RGS7: variants seen among roughly 807,000 people sequenced by gnomAD.
RGS7 encodes the protein regulator of G-protein signaling 7.
In RGS7, 27 loss-of-function variants were observed where a neutral mutation model predicts 81.1. The observed-to-expected ratio is 0.33, with a 90% CI of 0.25 to 0.46. The LOEUF (loss-of-function observed/expected upper bound fraction) is 0.46, where lower values mean the gene tolerates loss of function less well. Ranked by LOEUF, RGS7 falls within the 20% of genes least tolerant of loss-of-function variation. RGS7 has a pLI of 1.00. For synonymous variants in RGS7, 208 were observed against 207.7 expected (o/e 1.00, Z -0.01); for missense variants, 396 against 607.4 (o/e 0.65, Z 3.66).
chr1:240,930,610 G>T, intron 6 of RGS7, 107 bp downstream of exon 6: 1 of 1,071,624 alleles, frequency 9.3e-7, no homozygotes, highest in Non-Finnish European at 1.4e-6. Context: ...GTCCCATCCT[G>T]AGAACTGTGG....
intron 3 of RGS7, among the ~76,000 whole-genome samples, chr1:240,987,225 TA>T (rs1332165440): frequency 2.0e-5 from 3 of 152,192 alleles, no homozygotes; most frequent in Admixed American, 2.0e-4. Flanking sequence ...GCAAGCAAAA[TA>T]GAACACATTT....
chr1:240,802,484 G>A (rs922192592), intron 16 of RGS7, among the ~76,000 whole-genome samples: 4 of 152,150 alleles, frequency 2.6e-5, no homozygotes, highest in Non-Finnish European at 4.4e-5. Flanking sequence ...ATTGAAAAAG[G>A]TGAGTCTACT....
intron 2 of RGS7, among the ~76,000 whole-genome samples, chr1:241,342,025 C>A (rs1459193397): frequency 6.6e-6 from 1 of 151,884 alleles, no homozygotes; most frequent in Non-Finnish European, 1.5e-5. Context: ...CAGGCCCGTA[C>A]CACCACACCT....
At chr1:241,317,591 C>T (rs1342422728) in intron 2 of RGS7, among the ~76,000 whole-genome samples, 1 of 152,166 alleles carries the variant, frequency 6.6e-6, no homozygotes, top group Non-Finnish European at 1.5e-5. Flanking sequence ...ACTGAGAACC[C>T]ATGGCAATCA....
chr1:241,056,814 C>T (rs1286032419), intron 3 of RGS7, among the ~76,000 whole-genome samples: 1 of 152,156 alleles, frequency 6.6e-6, no homozygotes, highest in East Asian at 1.9e-4. Flanking sequence ...ATTTAATAGG[C>T]AGTGGTTTCT....
At chr1:241,342,170 G>C (rs2082602950) in intron 2 of RGS7, among the ~76,000 whole-genome samples, 1 of 151,950 alleles carries the variant, frequency 6.6e-6, no homozygotes, top group African/African-American at 2.4e-5. Context: ...CACCACACCT[G>C]GTCTCTGGTA....
At chr1:240,928,349 C>G (rs1674822912) in intron 6 of RGS7, among the ~76,000 whole-genome samples, 1 of 152,126 alleles carries the variant, frequency 6.6e-6, no homozygotes, top group South Asian at 2.1e-4. Context: ...GGACACTTCG[C>G]ATATATGACC....
intron 18 of RGS7, among the ~76,000 whole-genome samples, chr1:240,780,479 G>A (rs1036225527): frequency 6.9e-6 from 1 of 145,946 alleles, no homozygotes; most frequent in South Asian, 2.2e-4. Flanking sequence ...CTTCCTCTTT[G>A]TGGGATGAAG....
At chr1:240,853,697 A>AGAT (rs1338492177) in intron 9 of RGS7, among the ~76,000 whole-genome samples, 2 of 151,992 alleles carry the variant, frequency 1.3e-5, no homozygotes, top group Non-Finnish European at 2.9e-5. Flanking sequence ...CGAGGGCAGG[A>AGAT]GGAGACCATA....
In RGS7 at chr1:241,314,954, A is replaced by G. The variant is rs1474375982; in HGVS notation, c.78+40745T>C. On this transcript the variant is annotated intron_variant, in intron 2 of 18. Coordinates refer to ENST00000440928, the MANE Select transcript of RGS7 (RefSeq NM_001364886.1). ...TAGTAGTAGCAGTAGAAATGGTTTAAAGTGAGTAGAGTCAAGATATATTTT... is the reference window on the plus strand; with the variant it reads ...TAGTAGTAGCAGTAGAAATGGTTTAGAGTGAGTAGAGTCAAGATATATTTT... Among the ~76,000 whole-genome samples the G allele has an allele frequency of 2.6e-5, 4 of 152,228 alleles. No homozygotes were observed. The East Asian group carries it at 7.7e-4, about 29-fold the overall frequency.
At chr1:240,952,997 A>C (rs1679815154) in intron 4 of RGS7, among the ~76,000 whole-genome samples, 1 of 151,920 alleles carries the variant, frequency 6.6e-6, no homozygotes, top group Non-Finnish European at 1.5e-5. Flanking sequence ...AACAACAATA[A>C]ATTGATTATG....
chr1:241,280,773 G>C (rs912771432), intron 2 of RGS7, among the ~76,000 whole-genome samples: 7 of 152,204 alleles, frequency 4.6e-5, no homozygotes, highest in African/African-American at 1.7e-4. Flanking sequence ...AGTGCTGGGA[G>C]GGATTACAAG....
At chr1:241,242,992 C>CT (rs1362846565) in intron 2 of RGS7, among the ~76,000 whole-genome samples, 1 of 151,742 alleles carries the variant, frequency 6.6e-6, no homozygotes, top group Non-Finnish European at 1.5e-5. Context: ...AATTAAGTCC[C>CT]ATCTATTTAT....
intron 3 of RGS7, among the ~76,000 whole-genome samples, chr1:241,055,494 C>A (rs1236428147): frequency 6.6e-6 from 1 of 151,980 alleles, no homozygotes; most frequent in African/African-American, 2.4e-5. Flanking sequence ...TAGGGTGACA[C>A]AGAATTCAGG....
intron 2 of RGS7, among the ~76,000 whole-genome samples, chr1:241,321,450 C>T (rs1415553788): frequency 6.6e-6 from 1 of 152,192 alleles, no homozygotes; most frequent in Non-Finnish European, 1.5e-5. Flanking sequence ...GCTCTATGCA[C>T]TCCCACAGAT....
At chr1:241,207,260 CTT>C (rs1285135440) in intron 2 of RGS7, among the ~76,000 whole-genome samples, 1 of 151,264 alleles carries the variant, frequency 6.6e-6, no homozygotes, top group Non-Finnish European at 1.5e-5. Flanking sequence ...CTCTCTCTCT[CTT>C]TCTTTCCCCT....
At chr1:240,832,208 G>A (rs1002084416) in intron 9 of RGS7, among the ~76,000 whole-genome samples, 2 of 152,124 alleles carry the variant, frequency 1.3e-5, no homozygotes, top group East Asian at 1.9e-4. Flanking sequence ...CCATTACCAA[G>A]TAGACATTCC....
chr1:240,811,227 T>C (rs1175115416), intron 14 of RGS7, among the ~76,000 whole-genome samples: 1 of 152,266 alleles, frequency 6.6e-6, no homozygotes, highest in Non-Finnish European at 1.5e-5. Flanking sequence ...TCTTATATAG[T>C]GGAAAGTTAT....
chr1:241,191,996 ACAAAGGT>A (rs1293128659), intron 2 of RGS7, among the ~76,000 whole-genome samples: 1 of 152,226 alleles, frequency 6.6e-6, no homozygotes, highest in Non-Finnish European at 1.5e-5. Context: ...ACAGAGCCTC[ACAAAGGT>A]CAAAGTCTAC....
Sources: allele counts gnomAD v4.1 joint callset (sites outside exome capture counted in the v4.1 genomes callset), GRCh38; gene constraint gnomAD v4.1.1; transcripts MANE v1.5; gene names NCBI Gene and HGNC (gene_info 2026-07-23, HGNC 2026-07-21).